The following IGFBP2 variants were observed in gnomAD, a reference collection of about 807,000 sequenced individuals.
IGFBP2 encodes the protein insulin-like growth factor-binding protein 2.
IGFBP2 carries 12 observed loss-of-function variants against 26.2 expected under a neutral mutation model. That is an observed-to-expected ratio of 0.46 (90% confidence interval 0.29 to 0.74). The LOEUF is 0.74. IGFBP2 is among the 30% of genes least tolerant of loss of function. The probability of loss-of-function intolerance (pLI) is 0.09; values close to 1 mark genes in which losing one functional copy is unlikely to be tolerated. For missense variants in IGFBP2, 328 were observed against 441.2 expected, an observed-to-expected ratio of 0.74 and a Z score of 2.30; for synonymous variants, 189 against 200.6, an observed-to-expected ratio of 0.94 and a Z score of 0.49.
intron 1 of IGFBP2, among the ~76,000 whole-genome samples, chr2:216,658,308 C>T (rs1015544101): frequency 6.6e-6 from 1 of 152,134 alleles, no homozygotes; most frequent in Non-Finnish European, 1.5e-5. Context: ...CGAGATGATT[C>T]TCCCCTCATC....
At chr2:216,648,587 G>T (rs1386758457) in intron 1 of IGFBP2, among the ~76,000 whole-genome samples, 1 of 152,038 alleles carries the variant, frequency 6.6e-6, no homozygotes, top group African/African-American at 2.4e-5. Flanking sequence ...AGGGGTGGTT[G>T]GTGTGAGAGG....
At chr2:216,660,149 A>G (rs571374470) in intron 1 of IGFBP2, among the ~76,000 whole-genome samples, 1 of 152,276 alleles carries the variant, frequency 6.6e-6, no homozygotes, top group South Asian at 2.1e-4. Flanking sequence ...AACCCATTCC[A>G]TGGTCAGGGC....
At chr2:216,636,504 C>T (rs9341107) in intron 1 of IGFBP2, among the ~76,000 whole-genome samples, 33,602 of 151,558 alleles carry the variant, frequency 0.22, 3,986 homozygotes, top group Middle Eastern at 0.4. Context: ...GGTGGTGAGC[C>T]TGTATCCCAC....
At chr2:216,662,116 C>A in intron 3 of IGFBP2, 118 bp downstream of exon 3, 1 of 1,170,892 alleles carries the variant, frequency 8.5e-7, no homozygotes, top group Non-Finnish European at 1.2e-6. Context: ...GTGAGAGACT[C>A]AGACTCCTGT....
At chr2:216,663,906 C>T (rs764362874) in intron 3 of IGFBP2, 34 bp from the exon 4 acceptor site, 17 of 1,584,636 alleles carry the variant, frequency 1.1e-5, no homozygotes, top group East Asian at 6.8e-5. Context: ...TTGCTGGCTG[C>T]GGGCTCCTCC....
At chr2:216,650,011 C>T (rs1409283928) in intron 1 of IGFBP2, among the ~76,000 whole-genome samples, 4 of 152,206 alleles carry the variant, frequency 2.6e-5, no homozygotes, top group Non-Finnish European at 4.4e-5. Flanking sequence ...AGCTTATACC[C>T]GAGACCACCT....
chr2:216,660,268 A>G (rs1046818907), intron 1 of IGFBP2, among the ~76,000 whole-genome samples: 4 of 152,132 alleles, frequency 2.6e-5, no homozygotes, highest in South Asian at 4.1e-4. Flanking sequence ...TCCTGAATCC[A>G]TCGCTTTTCA....
At chr2:216,646,546 G>C (rs1697712410) in intron 1 of IGFBP2, among the ~76,000 whole-genome samples, 1 of 152,210 alleles carries the variant, frequency 6.6e-6, no homozygotes, top group Non-Finnish European at 1.5e-5. Context: ...GTATTAGTCT[G>C]TTTTCACGCT....
At chr2:216,659,780 GT>G (rs1411414227) in intron 1 of IGFBP2, 1 of 1,519,370 alleles carries the variant, frequency 6.6e-7, no homozygotes, top group African/African-American at 1.4e-5. Context: ...AGGAGTCATA[GT>G]TCCTGTTCTT....
intron 1 of IGFBP2, among the ~76,000 whole-genome samples, chr2:216,653,838 C>A (rs1697870885): frequency 6.6e-6 from 1 of 152,156 alleles, no homozygotes. Context: ...TGTGTTGACC[C>A]ATTTCCCTAG....
Position 216,660,783 on chromosome 2 carries a change from C to T in IGFBP2, c.669C>T (p.Ala223=). ...EEPKKLRPPP[A]RTPCQQELDQ... is the part of the protein sequence containing the mutation. The stretch of plus-strand genomic sequence containing the variant: ...CCAAGAAGCTGCGACCACCCCCTGC[C>T]AGGGTCAGTGAGGGTCAGGTCTGGT... The change falls in exon 2 of 4, where the codon GCC becomes GCT. Residue 223 remains alanine, a synonymous_variant. Coordinates refer to ENST00000233809, the MANE Select transcript of IGFBP2 (RefSeq NM_000597.3). 1 of 1,578,776 alleles carries T rather than the reference C, an allele frequency of 6.3e-7. No individual in the cohort carries two copies. Among genetic ancestry groups the T allele is most frequent in the South Asian group, 1.2e-5 (1 of 86,620 alleles).
rs550209595 is a variant in IGFBP2, at chr2:216,656,334, T to C, written c.443-4223T>C. On this transcript the variant is annotated intron_variant, in intron 1 of 3. Coordinates refer to ENST00000233809, the MANE Select transcript of IGFBP2 (RefSeq NM_000597.3). The stretch of plus-strand genomic sequence containing the variant: ...CCTGCCCCCAAGAAACTGTGGACTA[T>C]TGTGGCTGCAGATGGAAGGGTAGCG... Among the ~76,000 whole-genome samples, 6 of 152,288 alleles carry C rather than the reference T, an allele frequency of 3.9e-5. No individual in the cohort carries two copies. In the South Asian group the frequency reaches 8.3e-4, roughly 21 times the overall value.
intron 1 of IGFBP2, among the ~76,000 whole-genome samples, chr2:216,643,154 A>G (rs556334033): frequency 2.6e-5 from 4 of 152,330 alleles, no homozygotes; most frequent in African/African-American, 9.6e-5. Flanking sequence ...GCCAGAATGC[A>G]CTGAACTTGA....
At position 216,633,496 on chromosome 2, in the gene IGFBP2, C is replaced by CCGCCG. The variant is rs566460162; in HGVS notation, c.-19_-15dup. The CCGCCG allele has an allele frequency of 3.2e-3, 2,126 of 655,268 alleles. 97 individuals carry two copies. The East Asian group carries it at 0.098, about 30-fold the overall frequency. 40.6% of individuals were successfully genotyped at this position (655,268 alleles called of 1,614,324 possible). A position where few individuals can be genotyped will look rare whatever the true frequency, so the allele number is the denominator to read the frequency against. On this transcript the variant is annotated 5_prime_UTR_variant, in exon 1 of 4. Transcript: ENST00000233809. ...CCCGCCCGCCCGCTCGCTCGCTCGC[C>CCGCCG]CGCCGCGCCGCGCTGCCGACCGCCA...
chr2:216,660,170 C>G (rs1410305533), intron 1 of IGFBP2, among the ~76,000 whole-genome samples: 1 of 152,128 alleles, frequency 6.6e-6, no homozygotes, highest in African/African-American at 2.4e-5. Flanking sequence ...CTTTCAAATG[C>G]ATTCATCCCT....
chr2:216,661,830 G>A lies in IGFBP2; in HGVS notation c.673-28G>A, dbSNP rs9341207. On this transcript the variant is annotated intron_variant, in intron 2 of 3. Transcript: ENST00000233809. ...TTCGTGGGCCTGCTGTCCTCACTCCGGGCGTCCCCTGCTGTCTGTGCGTGC... is the reference window on the plus strand; with the variant it reads ...TTCGTGGGCCTGCTGTCCTCACTCCAGGCGTCCCCTGCTGTCTGTGCGTGC... The A allele has an allele frequency of 0.031, 50,183 of 1,613,416 alleles. 934 individuals are homozygous for A. The highest frequency in any genetic ancestry group is 0.046 in the South Asian group (4,167 of 91,042).
chr2:216,656,436 T>C (rs1697925486), intron 1 of IGFBP2, among the ~76,000 whole-genome samples: 1 of 152,180 alleles, frequency 6.6e-6, no homozygotes, highest in Non-Finnish European at 1.5e-5. Flanking sequence ...ATTTCAGCAA[T>C]GGGCTATCAG....
intron 1 of IGFBP2, among the ~76,000 whole-genome samples, chr2:216,641,211 G>A (rs555071896): frequency 6.6e-6 from 1 of 152,200 alleles, no homozygotes; most frequent in East Asian, 1.9e-4. Context: ...CCTTAATCTT[G>A]GCAAGTGACA....
chr2:216,635,763 G>C (rs921871420), intron 1 of IGFBP2, among the ~76,000 whole-genome samples: 5 of 152,040 alleles, frequency 3.3e-5, no homozygotes, highest in Non-Finnish European at 7.4e-5. Context: ...GGGGTGGGGG[G>C]TAGTTGTCAG....
Sources: gnomAD v4.1 joint callset for allele counts (sites outside exome capture counted in the v4.1 genomes callset) on GRCh38, gnomAD v4.1.1 for gene constraint, MANE v1.5 for transcripts, NCBI Gene and HGNC (gene_info 2026-07-23, HGNC 2026-07-21) for gene names.